DLC1: variants seen among roughly 807,000 people sequenced by gnomAD.
The protein encoded by DLC1 is rho GTPase-activating protein 7.
In DLC1, 54 loss-of-function variants were observed where a neutral mutation model predicts 140.3. That is an observed-to-expected ratio of 0.38 (90% confidence interval 0.31 to 0.48). The LOEUF (loss-of-function observed/expected upper bound fraction) is 0.48, where lower values mean the gene tolerates loss of function less well. Ranked by LOEUF, DLC1 falls within the 20% of genes least tolerant of loss-of-function variation. The pLI is 0.96. For missense variants in DLC1, 2,536 were observed against 1,907.0 expected (o/e 1.33, Z -6.14); for synonymous variants, 986 against 728.1 (o/e 1.35, Z -5.70).
At chr8:13,582,278 C>T (rs1321191362) in intron 1 of DLC1, among the ~76,000 whole-genome samples, 1 of 152,082 alleles carries the variant, frequency 6.6e-6, no homozygotes, top group Non-Finnish European at 1.5e-5. Flanking sequence ...CAAGAAAACA[C>T]CAGTATACTA....
At chr8:13,228,633 C>G (rs1233649362) in intron 5 of DLC1, among the ~76,000 whole-genome samples, 1 of 151,882 alleles carries the variant, frequency 6.6e-6, no homozygotes, top group Admixed American at 6.6e-5. Flanking sequence ...GGCTGTAGTC[C>G]CAGCTACTAG....
intron 5 of DLC1, among the ~76,000 whole-genome samples, chr8:13,211,804 G>C (rs1178568611): frequency 2.0e-5 from 3 of 152,130 alleles, no homozygotes; most frequent in Admixed American, 6.6e-5. Flanking sequence ...AACTAGGCTG[G>C]AATTGAAAAG....
chr8:13,597,766 C>A lies in DLC1; in HGVS notation c.-126+6771G>T, dbSNP rs544654224. Among the ~76,000 whole-genome samples, 88 of 152,148 alleles carry A rather than the reference C, an allele frequency of 5.8e-4. 1 individual carries two copies. The South Asian group carries it at 0.014, about 24-fold the overall frequency. ...AGTCAGTATCTCACTATCTTGCTAA[C>A]CCCTACTCAAAATACATTTCATAAC... On this transcript the variant is annotated intron_variant, in intron 1 of 1. Transcript: ENST00000631382.
intron 1 of DLC1, among the ~76,000 whole-genome samples, chr8:13,578,559 C>T (rs1279331046): frequency 6.6e-6 from 1 of 152,108 alleles, no homozygotes; most frequent in Non-Finnish European, 1.5e-5. Flanking sequence ...GTAATATTAA[C>T]AGGTTGTCAT....
At chr8:13,573,349 A>G (rs1296722449) in intron 1 of DLC1, among the ~76,000 whole-genome samples, 1 of 152,184 alleles carries the variant, frequency 6.6e-6, no homozygotes, top group Non-Finnish European at 1.5e-5. Flanking sequence ...TATTAGCTCT[A>G]ACGATGAAAA....
At chr8:13,198,632 A>G (rs1387858752) in intron 5 of DLC1, among the ~76,000 whole-genome samples, 1 of 151,596 alleles carries the variant, frequency 6.6e-6, no homozygotes, top group Non-Finnish European at 1.5e-5. Flanking sequence ...AATGTTGCTT[A>G]TTTCTTTACA....
At chr8:13,215,796 A>G (rs1476789264) in intron 5 of DLC1, among the ~76,000 whole-genome samples, 1 of 152,084 alleles carries the variant, frequency 6.6e-6, no homozygotes, top group Non-Finnish European at 1.5e-5. Flanking sequence ...AACCACATAT[A>G]TTTTTCACTC....
intron 5 of DLC1, among the ~76,000 whole-genome samples, chr8:13,273,686 CTGTGTG>C (rs59265902): frequency 0.05 from 3,131 of 62,508 alleles, 120 homozygotes; most frequent in African/African-American, 0.13. Context: ...AGAACTGTGC[CTGTGTG>C]TGTGTGTGTG....
At chr8:13,164,538 G>C (rs78016006) in intron 5 of DLC1, among the ~76,000 whole-genome samples, 1 of 151,952 alleles carries the variant, frequency 6.6e-6, no homozygotes, top group Non-Finnish European at 1.5e-5. Context: ...CCCTTTGAAG[G>C]TCCTCTTGGC....
At chr8:13,549,163 C>G (rs1044965549) in intron 1 of DLC1, among the ~76,000 whole-genome samples, 3 of 151,960 alleles carry the variant, frequency 2.0e-5, no homozygotes, top group Non-Finnish European at 1.5e-5. Flanking sequence ...GAAATAACAT[C>G]TTAAGTAGAA....
rs1465573016 is a variant in DLC1 at position 13,420,400 on chromosome 8, A to AT, written c.1024-18782dup. On this transcript the variant is annotated intron_variant, in intron 2 of 17. Coordinates refer to ENST00000276297, the MANE Select transcript of DLC1 (RefSeq NM_182643.3). ...TATATGAAATTGCCAATAACTGACT[A>AT]TTTTTTTTAAACTTAAGTTCTGGGA... Among the ~76,000 whole-genome samples, 5 of 151,886 alleles carry AT rather than the reference A, an allele frequency of 3.3e-5. No homozygotes were observed. In the South Asian group the frequency reaches 6.3e-4, roughly 19 times the overall value.
At chr8:13,295,049 G>A (rs1831895919) in intron 5 of DLC1, among the ~76,000 whole-genome samples, 1 of 152,278 alleles carries the variant, frequency 6.6e-6, no homozygotes, top group South Asian at 2.1e-4. Context: ...AAGGTGCGGG[G>A]AAGATGTCTG....
At chr8:13,102,631 A>G (rs1389388505) in intron 8 of DLC1, among the ~76,000 whole-genome samples, 159 bp downstream of exon 8, 2 of 152,260 alleles carry the variant, frequency 1.3e-5, no homozygotes, top group African/African-American at 4.8e-5. Flanking sequence ...GGCTTCAACT[A>G]CATAAGGCTA....
chr8:13,252,205 A>C (rs1357248165), intron 5 of DLC1, among the ~76,000 whole-genome samples: 1 of 152,262 alleles, frequency 6.6e-6, no homozygotes, highest in Non-Finnish European at 1.5e-5. Flanking sequence ...TGCTTATAAA[A>C]TCTATGGGTG....
chr8:13,333,836 G>A (rs1833701755), intron 4 of DLC1, among the ~76,000 whole-genome samples: 1 of 152,136 alleles, frequency 6.6e-6, no homozygotes, highest in African/African-American at 2.4e-5. Flanking sequence ...AGAGTAGACA[G>A]CTTTAAAAGA....
intron 5 of DLC1, among the ~76,000 whole-genome samples, chr8:13,303,930 C>G (rs1416879956): frequency 3.3e-5 from 5 of 152,226 alleles, no homozygotes; most frequent in Non-Finnish European, 5.9e-5. Flanking sequence ...GCCTTCCTGT[C>G]TCCGCCAGCC....
chr8:13,221,163 C>A (rs1319841178), intron 5 of DLC1, among the ~76,000 whole-genome samples: 1 of 152,120 alleles, frequency 6.6e-6, no homozygotes. Flanking sequence ...GTTCTCCCTA[C>A]AAACAAAACA....
At chr8:13,345,660 C>T (rs11780468) in intron 4 of DLC1, among the ~76,000 whole-genome samples, 39,078 of 147,652 alleles carry the variant, frequency 0.26, 5,426 homozygotes, top group Admixed American at 0.3. Context: ...CGGCTTCAAG[C>T]GGTCCTCCTG....
intron 2 of DLC1, among the ~76,000 whole-genome samples, chr8:13,457,249 T>C (rs555136252): frequency 6.6e-6 from 1 of 152,338 alleles, no homozygotes; most frequent in South Asian, 2.1e-4. Flanking sequence ...AGCCACTGTC[T>C]ATTTTGTTGA....
Sources: allele counts gnomAD v4.1 joint callset (sites outside exome capture counted in the v4.1 genomes callset), GRCh38; gene constraint gnomAD v4.1.1; transcripts MANE v1.5; gene names NCBI Gene and HGNC (gene_info 2026-07-23, HGNC 2026-07-21).